The following CCDC150 variants were observed in gnomAD, a reference collection of about 807,000 sequenced individuals.
CCDC150 encodes the protein coiled-coil domain containing 150, also known as coiled-coil domain-containing protein 150.
Under a neutral mutation model 156.5 loss-of-function variants are expected in CCDC150, and 151 were observed. That is an observed-to-expected ratio of 0.97 (90% confidence interval 0.85 to 1.10). The LOEUF is 1.10. Among genes scored for constraint, CCDC150 ranks in the 50% least tolerant of loss-of-function variants. The pLI is 0.00. For synonymous variants in CCDC150, 452 were observed against 429.4 expected (o/e 1.05, Z -0.65); for missense variants, 1,312 against 1,268.1 (o/e 1.03, Z -0.53).
Position 196,654,789 on chromosome 2 carries a change from T to C in CCDC150, c.177-1844T>C, listed in dbSNP as rs1306917864. Among the ~76,000 whole-genome samples, 4 of 152,348 alleles carry C rather than the reference T, an allele frequency of 2.6e-5. No homozygotes were observed. In the East Asian group the frequency reaches 5.8e-4, roughly 22 times the overall value. On this transcript the variant is annotated intron_variant, in intron 2 of 27. Coordinates refer to ENST00000389175, the MANE Select transcript of CCDC150 (RefSeq NM_001080539.2). ...TGGAACATATTTTCCTATTTCTTCA[T>C]TTTTCTTTTAACTCGCCGTGTTGGT...
At chr2:196,695,810 C>CAAA (rs1281920360) in intron 14 of CCDC150, among the ~76,000 whole-genome samples, 1 of 83,144 alleles carries the variant, frequency 1.2e-5, no homozygotes, top group East Asian at 4.2e-4. Flanking sequence ...GATTCCGTCT[C>CAAA]AAAAAAAAAA....
chr2:196,689,876 G>A (rs994504711), intron 13 of CCDC150, among the ~76,000 whole-genome samples: 13 of 152,306 alleles, frequency 8.5e-5, no homozygotes, highest in Admixed American at 4.6e-4. Context: ...GATATTGGCT[G>A]TGGGTTTGTC....
At chr2:196,712,778 C>T (rs1697223397) in intron 17 of CCDC150, 39 bp downstream of exon 17, 9 of 1,458,064 alleles carry the variant, frequency 6.2e-6, no homozygotes, top group Non-Finnish European at 7.6e-6. Context: ...AGCATGGTGG[C>T]TCTTGAAGCT....
chr2:196,647,103 T>G (rs1692591514), intron 2 of CCDC150, among the ~76,000 whole-genome samples: 1 of 152,050 alleles, frequency 6.6e-6, no homozygotes, highest in South Asian at 2.1e-4. Context: ...ATTTCCTGAG[T>G]GTCTCTCAGG....
intron 8 of CCDC150, among the ~76,000 whole-genome samples, chr2:196,671,979 G>A (rs1338394021): frequency 1.3e-5 from 2 of 152,172 alleles, no homozygotes; most frequent in African/African-American, 2.4e-5. Flanking sequence ...TCACCAAACT[G>A]TCTTCCAAAG....
chr2:196,711,599 G>A (rs974973935), intron 15 of CCDC150, among the ~76,000 whole-genome samples: 2 of 151,902 alleles, frequency 1.3e-5, no homozygotes, highest in African/African-American at 4.9e-5. Flanking sequence ...AGAGAGACTT[G>A]TGAGTATCAT....
At chr2:196,647,957 A>G (rs77946305) in intron 2 of CCDC150, among the ~76,000 whole-genome samples, 17,363 of 152,024 alleles carry the variant, frequency 0.11, 1,099 homozygotes, top group Middle Eastern at 0.19. Flanking sequence ...TCTACATTCC[A>G]CTTCTATGAG....
At chr2:196,700,429 A>G (rs765762321) in intron 14 of CCDC150, among the ~76,000 whole-genome samples, 8 of 152,214 alleles carry the variant, frequency 5.3e-5, no homozygotes, top group Non-Finnish European at 1.2e-4. Context: ...TGCCCCTCAT[A>G]TAAAGAAAGT....
intron 5 of CCDC150, among the ~76,000 whole-genome samples, chr2:196,661,301 T>G (rs1693544705): frequency 6.6e-6 from 1 of 152,190 alleles, no homozygotes; most frequent in South Asian, 2.1e-4. Flanking sequence ...TTTGTTGAAG[T>G]TCTGGAGGCT....
intron 13 of CCDC150, among the ~76,000 whole-genome samples, chr2:196,692,172 G>C (rs1485879777): frequency 6.9e-6 from 1 of 144,100 alleles, no homozygotes; most frequent in Non-Finnish European, 1.5e-5. Flanking sequence ...CTGTCGCCCA[G>C]GCCGGACTGC....
chr2:196,719,752 G>A (rs1034670309), intron 19 of CCDC150, 86 bp downstream of exon 19: 17 of 928,474 alleles, frequency 1.8e-5, no homozygotes, highest in Admixed American at 3.7e-5. Flanking sequence ...GTCACTTTAT[G>A]TAGCTTCCTT....
intron 14 of CCDC150, 46 bp downstream of exon 14, chr2:196,695,205 G>C: frequency 9.9e-7 from 1 of 1,006,878 alleles, no homozygotes; most frequent in Non-Finnish European, 1.5e-6. Flanking sequence ...TGACTAATGA[G>C]TTCAGAAATA....
At chr2:196,701,370 TA>T (rs1696195529) in intron 15 of CCDC150, among the ~76,000 whole-genome samples, 190 bp downstream of exon 15, 1 of 152,216 alleles carries the variant, frequency 6.6e-6, no homozygotes, top group South Asian at 2.1e-4. Context: ...TGCTGAAACC[TA>T]AAATTGTGAA....
At chr2:196,687,922 T>C (rs925482533) in intron 13 of CCDC150, among the ~76,000 whole-genome samples, 16 of 152,150 alleles carry the variant, frequency 1.1e-4, no homozygotes, top group Middle Eastern at 3.2e-3. Flanking sequence ...TGTGTGGTCT[T>C]ATTTCTGGGT....
chr2:196,710,732 A>G (rs538899053), intron 15 of CCDC150, among the ~76,000 whole-genome samples: 63 of 152,356 alleles, frequency 4.1e-4, no homozygotes, highest in African/African-American at 1.4e-3. Context: ...AAACAATACT[A>G]TATACTGTTT....
intron 5 of CCDC150, among the ~76,000 whole-genome samples, chr2:196,660,472 C>A (rs1693497620): frequency 6.6e-6 from 1 of 152,194 alleles, no homozygotes; most frequent in Non-Finnish European, 1.5e-5. Flanking sequence ...TCCTCACCGG[C>A]ATTTGGTCTT....
intron 15 of CCDC150, among the ~76,000 whole-genome samples, chr2:196,710,845 A>C (rs1351008567): frequency 2.6e-5 from 4 of 151,928 alleles, no homozygotes; most frequent in Non-Finnish European, 4.4e-5. Flanking sequence ...GGCTACACAG[A>C]AGCTTTCAAT....
Position 196,681,366 on chromosome 2 carries a change from TTATC to T in CCDC150, c.1509+4007_1509+4010del, listed in dbSNP as rs1463026615. ...ACACATACACACACACCAAATTTGT[TTATC>T]TGTCCATCTGTCAAAGAACATTTAC... is the stretch of plus-strand genomic sequence containing the variant. On this transcript the variant is annotated intron_variant, in intron 13 of 27. Transcript: ENST00000389175. Among the ~76,000 whole-genome samples, 7 of 152,206 alleles carry T rather than the reference TTATC, an allele frequency of 4.6e-5. No homozygotes were observed. The South Asian group carries it at 1.0e-3, about 23-fold the overall frequency.
chr2:196,708,527 G>A lies in CCDC150; in HGVS notation c.1696-3618G>A, dbSNP rs553759141. On this transcript the variant is annotated intron_variant, in intron 15 of 27. Coordinates refer to ENST00000389175, the MANE Select transcript of CCDC150 (RefSeq NM_001080539.2). Reference sequence around the variant, plus strand: ...TTACATTTAAGGTTAATATTTTTATGTGTGAATTTGATCCTGTCATCATGA... The same window carrying A: ...TTACATTTAAGGTTAATATTTTTATATGTGAATTTGATCCTGTCATCATGA... Among the ~76,000 whole-genome samples the A allele has an allele frequency of 3.4e-4, 52 of 152,246 alleles. 1 individual carries two copies. The highest frequency in any genetic ancestry group is 1.2e-3 in the South Asian group (6 of 4,822).
Sources: allele counts gnomAD v4.1 joint callset (sites outside exome capture counted in the v4.1 genomes callset), GRCh38; gene constraint gnomAD v4.1.1; transcripts MANE v1.5; gene names NCBI Gene and HGNC (gene_info 2026-07-23, HGNC 2026-07-21).